ZNF316: variants seen among roughly 807,000 people sequenced by gnomAD.
The protein encoded by ZNF316 is zinc finger protein 316.
In ZNF316, 23 loss-of-function variants were observed where a neutral mutation model predicts 75.6. The observed-to-expected ratio is 0.30, with a 90% CI of 0.22 to 0.43. The LOEUF is 0.43. Ranked by LOEUF, ZNF316 falls within the 20% of genes least tolerant of loss-of-function variation. ZNF316 has a pLI of 1.00. For missense variants in ZNF316, 1,266 were observed against 1,409.4 expected (o/e 0.90, Z 1.63); for synonymous variants, 827 against 666.2 (o/e 1.24, Z -3.72).
Position 6,655,496 on chromosome 7 carries a change from A to C in ZNF316, c.*885A>C, listed in dbSNP as rs1779606691. ...AAACTCAGACATCTACGGGCGCCCG[A>C]GGCCCTCGCAGCCCTGAGCCCCAGC... is the stretch of plus-strand genomic sequence containing the variant. On this transcript the variant is annotated 3_prime_UTR_variant, in exon 9 of 9. Transcript: ENST00000382252. The C allele has an allele frequency of 6.6e-6, 1 of 152,032 alleles. No individual in the cohort carries two copies. Among genetic ancestry groups the C allele is most frequent in the South Asian group, 2.1e-4 (1 of 4,822 alleles). The allele number at this position is 152,032 out of a possible 1,614,324, so 9.4% of individuals were successfully genotyped here. A position where few individuals can be genotyped will look rare whatever the true frequency, so the allele number is the denominator to read the frequency against.
At chr7:6,644,683 G>C (rs1027090486) in intron 8 of ZNF316, 90 bp downstream of exon 8, 1 of 645,654 alleles carries the variant, frequency 1.5e-6, no homozygotes, top group African/African-American at 1.9e-5. Context: ...CTGCAGACCT[G>C]GTACCTGGTG....
At position 6,639,355 on chromosome 7, in the gene ZNF316, C is replaced by T. The variant is rs559955844; in HGVS notation, c.-167+214C>T. Among the ~76,000 whole-genome samples, 13 of 152,244 alleles carry T rather than the reference C, an allele frequency of 8.5e-5. No individual in the cohort carries two copies. In the South Asian group the frequency reaches 1.7e-3, roughly 19 times the overall value. ...AGACATGAGCAAAGGGAGCTTCTGC[C>T]GCCCAGGAGCTGGCTGTACTCAGGG... On this transcript the variant is annotated intron_variant, in intron 3 of 8. Coordinates refer to ENST00000382252, the MANE Select transcript of ZNF316 (RefSeq NM_001278559.2). The surrounding 1 kb of genome is among the most constrained non-coding windows in gnomAD (Gnocchi z 4.2).
In ZNF316 at chr7:6,652,412, G is replaced by A. The variant is rs1430277204; in HGVS notation, c.816G>A (p.Ala272=). 1 of 1,232,306 alleles carries A rather than the reference G, an allele frequency of 8.1e-7. No homozygotes were observed. The highest frequency in any genetic ancestry group is 1.0e-6 in the Non-Finnish European group (1 of 988,088). 76.3% of individuals were successfully genotyped at this position (1,232,306 alleles called of 1,614,324 possible). The change falls in exon 9 of 9, where the codon GCG becomes GCA. Residue 272 remains alanine, a synonymous_variant. Transcript: ENST00000382252. ...ACGAGCCCCCAGGGCTCTGGTCGGC[G>A]GCCTACGGCGTGGGGGACGTGCCTG... ...EENEPPGLWS[A]AYGVGDVPGT...
At position 6,652,874 on chromosome 7, in the gene ZNF316, G is replaced by A; in HGVS notation, c.1278G>A (p.Glu426=). 3 of 1,242,004 alleles carry A rather than the reference G, an allele frequency of 2.4e-6. No individual in the cohort carries two copies. The highest frequency in any genetic ancestry group is 3.0e-6 in the Non-Finnish European group (3 of 992,478). The allele number at this position is 1,242,004 out of a possible 1,614,324, so 76.9% of individuals were successfully genotyped here. ...CGCACCGACGCATCCATACTGGCGA[G>A]CGGCCCTACCGCTGCGCCTTCTGCG... ...LVTHRRIHTG[E]RPYRCAFCGA... The change falls in exon 9 of 9, where the codon GAG becomes GAA. Residue 426 remains glutamate, a synonymous_variant. Transcript: ENST00000382252.
Position 6,650,253 on chromosome 7 carries a change from C to T in ZNF316, c.707-2050C>T, listed in dbSNP as rs374515726. 1.1e-4 allele frequency among the ~76,000 whole-genome samples: 16 copies of T among 152,204 alleles called. No homozygotes were observed. The East Asian group carries it at 2.7e-3, about 26-fold the overall frequency. On this transcript the variant is annotated intron_variant, in intron 8 of 8. Coordinates refer to ENST00000382252, the MANE Select transcript of ZNF316 (RefSeq NM_001278559.2). ...AGACCTGGGGAGTGTGGCTGCCAGTCGGGGAAGGGTGGCCACTGATGGGGA... is the reference window on the plus strand; with the variant it reads ...AGACCTGGGGAGTGTGGCTGCCAGTTGGGGAAGGGTGGCCACTGATGGGGA...
rs971436320 is a variant in ZNF316, at chr7:6,657,600, G to A, written c.*2989G>A. Among the ~76,000 whole-genome samples, 2 of 152,062 alleles carry A rather than the reference G, an allele frequency of 1.3e-5. No homozygotes were observed. Among genetic ancestry groups the A allele is most frequent in the Non-Finnish European group, 2.9e-5 (2 of 68,008 alleles). ...AATCCCAGCACTATGGGAGGCCAAG[G>A]CGGATCCCTTGAGCTCAGATGGATT... On this transcript the variant is annotated 3_prime_UTR_variant, in exon 9 of 9. Coordinates refer to ENST00000382252, the MANE Select transcript of ZNF316 (RefSeq NM_001278559.2).
Position 6,644,497 on chromosome 7 carries a change from C to T in ZNF316, c.610C>T (p.Pro204Ser). 8.1e-7 allele frequency: 1 copy of T among 1,232,228 alleles called. No individual in the cohort carries two copies. Among genetic ancestry groups the T allele is most frequent in the Non-Finnish European group, 1.0e-6 (1 of 988,008 alleles). The allele number at this position is 1,232,228 out of a possible 1,614,324, so 76.3% of individuals were successfully genotyped here. The change falls in exon 8 of 9, where the codon CCC (proline) becomes TCC (serine). Residue 204 changes from proline to serine, a missense_variant. Transcript: ENST00000382252. ...LVSLGYPIPK[P>S]DLIFRLEQGE... ...CCTGGCAGGATACCCAATTCCCAAGCCCGATCTGATCTTCCGGCTGGAACA... is the reference window on the plus strand; with the variant it reads ...CCTGGCAGGATACCCAATTCCCAAGTCCGATCTGATCTTCCGGCTGGAACA...
intron 8 of ZNF316, among the ~76,000 whole-genome samples, chr7:6,648,926 G>A (rs1779457139): frequency 6.6e-6 from 1 of 152,218 alleles, no homozygotes; most frequent in Non-Finnish European, 1.5e-5. Context: ...TGGTGCTGAT[G>A]CCTGTGGAGG....
rs1779532832 is a variant in ZNF316, at chr7:6,652,724, G to C, written c.1128G>C (p.Glu376Asp). The change falls in exon 9 of 9, where the codon GAG becomes GAC. Residue 376 changes from glutamate (E) to aspartate (D), a missense_variant. Coordinates refer to ENST00000382252, the MANE Select transcript of ZNF316 (RefSeq NM_001278559.2). The part of the protein sequence containing the change: ...YHAAVKPFGC[E>D]ECGKGFVYRS... The stretch of plus-strand genomic sequence containing the variant: ...CGGCCGTCAAGCCCTTCGGCTGCGA[G>C]GAGTGCGGCAAGGGCTTCGTGTACC... 1 of 1,243,468 alleles carries C rather than the reference G, an allele frequency of 8.0e-7. No homozygotes were observed. Among genetic ancestry groups the C allele is most frequent in the Non-Finnish European group, 1.0e-6 (1 of 993,248 alleles). The allele number at this position is 1,243,468 out of a possible 1,614,324, so 77.0% of individuals were successfully genotyped here.
chr7:6,654,338 C>T lies in ZNF316; in HGVS notation c.2742C>T (p.Pro914=), dbSNP rs1363811976. 4.1e-5 allele frequency: 50 copies of T among 1,222,194 alleles called. No homozygotes were observed. The highest frequency in any genetic ancestry group is 5.1e-5 in the Non-Finnish European group (50 of 981,598). The allele number at this position is 1,222,194 out of a possible 1,614,324, so 75.7% of individuals were successfully genotyped here. A position where few individuals can be genotyped will look rare whatever the true frequency, so the allele number is the denominator to read the frequency against. Residue 914 remains proline, a synonymous_variant, in exon 9 of 9, where the codon CCC becomes CCT. Coordinates refer to ENST00000382252, the MANE Select transcript of ZNF316 (RefSeq NM_001278559.2). The part of the protein sequence containing the change: ...THQRTHTGER[P]YACANCGRRF... ...AGCGCACACATACGGGCGAGCGGCC[C>T]TACGCCTGCGCCAACTGCGGCCGCC...
intron 8 of ZNF316, among the ~76,000 whole-genome samples, chr7:6,645,780 G>T (rs1360872435): frequency 6.6e-6 from 1 of 151,292 alleles, no homozygotes; most frequent in Non-Finnish European, 1.5e-5. Context: ...CAGATCACGA[G>T]GTCAGGAGTT....
In ZNF316 at chr7:6,642,913, C is replaced by G; in HGVS notation, c.356-51C>G. On this transcript the variant is annotated intron_variant, in intron 5 of 8. Coordinates refer to ENST00000382252, the MANE Select transcript of ZNF316 (RefSeq NM_001278559.2). This position sits in a 1 kb window ranked among gnomAD's most constrained non-coding sequence, Gnocchi z 8.1. ...GAGGGTGTTGCCAGGGCTCCTGGCC[C>G]TGCAGGCTGGGGGCTCAGGGCAGCT... 1.6e-6 allele frequency: 2 copies of G among 1,232,510 alleles called. No homozygotes were observed. The highest frequency in any genetic ancestry group is 2.0e-6 in the Non-Finnish European group (2 of 988,278). The allele number at this position is 1,232,510 out of a possible 1,614,324, so 76.3% of individuals were successfully genotyped here.
chr7:6,641,623 G>A (rs1779313547), intron 3 of ZNF316, among the ~76,000 whole-genome samples: 2 of 152,250 alleles, frequency 1.3e-5, no homozygotes, highest in Admixed American at 1.3e-4. Context: ...AGAGTAGGAC[G>A]CTGTAGCCTC....
rs894827264 is a variant in ZNF316 at position 6,640,305 on chromosome 7, G to A, written c.-167+1164G>A. Among the ~76,000 whole-genome samples the A allele has an allele frequency of 2.6e-5, 4 of 152,192 alleles. No homozygotes were observed. The highest frequency in any genetic ancestry group is 4.4e-5 in the Non-Finnish European group (3 of 68,038). On this transcript the variant is annotated intron_variant, in intron 3 of 8. Coordinates refer to ENST00000382252, the MANE Select transcript of ZNF316 (RefSeq NM_001278559.2). This position sits in a 1 kb window ranked among gnomAD's most constrained non-coding sequence, Gnocchi z 5.1. ...AAAGAAGAGGTGAGACTGGCGCATG[G>A]TTCTGCAGGCTGTACAGGAAGCATG...
intron 6 of ZNF316, 126 bp downstream of exon 6, chr7:6,643,199 A>G: frequency 9.1e-6 from 11 of 1,208,268 alleles, no homozygotes; most frequent in Non-Finnish European, 1.1e-5. Context: ...GACCAGGCCC[A>G]GGCCCTGAGC....
chr7:6,643,283 G>A (rs1476688350), intron 6 of ZNF316, among the ~76,000 whole-genome samples: 2 of 152,196 alleles, frequency 1.3e-5, no homozygotes, highest in African/African-American at 4.8e-5. Flanking sequence ...CCTGGGCGTT[G>A]GGTTGTCCTG....
chr7:6,648,632 G>A (rs1280888945), intron 8 of ZNF316, among the ~76,000 whole-genome samples: 3 of 152,186 alleles, frequency 2.0e-5, no homozygotes, highest in African/African-American at 7.2e-5. Flanking sequence ...CAGATTTAAG[G>A]CCTTGCCCAA....
At chr7:6,643,126 G>A (rs9769100) in intron 6 of ZNF316, 53 bp downstream of exon 6, 6 of 1,231,268 alleles carry the variant, frequency 4.9e-6, no homozygotes, top group Non-Finnish European at 6.1e-6. Context: ...GGTTTCCCCC[G>A]GGGCCTCGGC....
chr7:6,654,821 A>T lies in ZNF316; in HGVS notation c.*210A>T. ...GTGGGGGAGCTCTGGGGAGAAGAGC[A>T]GCGCGGAGGCAGCGAGGCCAGGACG... On this transcript the variant is annotated 3_prime_UTR_variant, in exon 9 of 9. Coordinates refer to ENST00000382252, the MANE Select transcript of ZNF316 (RefSeq NM_001278559.2). 1 of 352,354 alleles carries T rather than the reference A, an allele frequency of 2.8e-6. No homozygotes were observed. Among genetic ancestry groups the T allele is most frequent in the Non-Finnish European group, 4.7e-6 (1 of 212,940 alleles). The allele number at this position is 352,354 out of a possible 1,614,324, so 21.8% of individuals were successfully genotyped here.
Sources: gnomAD v4.1 joint callset for allele counts (sites outside exome capture counted in the v4.1 genomes callset) on GRCh38, gnomAD v4.1.1 for gene constraint, Gnocchi (gnomAD v3.1) non-coding constraint, MANE v1.5 for transcripts, NCBI Gene and HGNC (gene_info 2026-07-23, HGNC 2026-07-21) for gene names.